The following TENT5D variants were observed in gnomAD, a reference collection of about 807,000 sequenced individuals.
TENT5D encodes the protein terminal nucleotidyltransferase 5D.
For synonymous variants in TENT5D, 103 were observed against 100.6 expected, an observed-to-expected ratio of 1.02 and a Z score of -0.15; for missense variants, 191 against 287.0, an observed-to-expected ratio of 0.67 and a Z score of 2.42.
chrX:80,382,804 C>T (rs1021557203), intron 3 of TENT5D, among the ~76,000 whole-genome samples: 2 of 111,846 alleles, frequency 1.8e-5, no homozygotes, highest in Non-Finnish European at 3.8e-5. Flanking sequence ...CTGAGCCATG[C>T]ACAGGATATA....
Position 80,400,223 on chromosome X carries a change from C to A in TENT5D, c.-141-38387C>A, listed in dbSNP as rs535026436. 5.4e-5 allele frequency among the ~76,000 whole-genome samples: 6 copies of A among 111,788 alleles called. No homozygotes were observed. The South Asian group carries it at 2.3e-3, about 42-fold the overall frequency. ...GCTAGAGTTCTGATGTCCAAGGCAG[C>A]AGATGAAAAGTCTCGGCTATCAAAG... On this transcript the variant is annotated intron_variant, in intron 3 of 4. Transcript: ENST00000538312.
chrX:80,386,960 C>T (rs1931027302), intron 3 of TENT5D, among the ~76,000 whole-genome samples: 1 of 112,040 alleles, frequency 8.9e-6, no homozygotes, highest in Middle Eastern at 4.2e-3. Flanking sequence ...CATTTGTAGT[C>T]CTCTAGAGAT....
intron 3 of TENT5D, among the ~76,000 whole-genome samples, chrX:80,399,835 A>T (rs771632987): frequency 2.1e-4 from 23 of 111,997 alleles, no homozygotes; most frequent in African/African-American, 7.5e-4. Context: ...TGGGGAAACA[A>T]TTTCACAGAT....
chrX:80,395,247 GT>G (rs1931219002), intron 3 of TENT5D, among the ~76,000 whole-genome samples: 1 of 111,819 alleles, frequency 8.9e-6, no homozygotes, highest in African/African-American at 3.3e-5. Flanking sequence ...TATGCTACAT[GT>G]TTTTTATTCC....
chrX:80,402,360 A>G (rs751469325), intron 3 of TENT5D, among the ~76,000 whole-genome samples: 1 of 111,574 alleles, frequency 9.0e-6, no homozygotes, highest in African/African-American at 3.2e-5. Context: ...ACTCAGTTTT[A>G]TAGATTTCTT....
intron 3 of TENT5D, among the ~76,000 whole-genome samples, chrX:80,392,319 C>A (rs1931144366): frequency 1.8e-5 from 2 of 109,064 alleles, no homozygotes; most frequent in East Asian, 5.8e-4. Flanking sequence ...TAATAATAAT[C>A]TCTTAAAGAA....
chrX:80,397,356 A>G (rs1260691873), intron 3 of TENT5D, among the ~76,000 whole-genome samples: 2 of 105,468 alleles, frequency 1.9e-5, no homozygotes, highest in Non-Finnish European at 3.9e-5. Flanking sequence ...GATGCTCCTC[A>G]CTTCCTAGAT....
chrX:80,398,669 C>T (rs1384205982), intron 3 of TENT5D, among the ~76,000 whole-genome samples: 1 of 110,544 alleles, frequency 9.0e-6, no homozygotes, highest in Non-Finnish European at 1.9e-5. Flanking sequence ...AGAGAGTGTC[C>T]TTTCACCAAT....
intron 3 of TENT5D, among the ~76,000 whole-genome samples, chrX:80,378,429 G>A (rs887485801): frequency 1.9e-4 from 21 of 111,562 alleles, no homozygotes; most frequent in Admixed American, 9.5e-5. Context: ...GGTAAGGAAG[G>A]GATACAGTTT....
chrX:80,402,129 G>C (rs1931400291), intron 3 of TENT5D, among the ~76,000 whole-genome samples: 1 of 110,805 alleles, frequency 9.0e-6, no homozygotes, highest in African/African-American at 3.3e-5. Flanking sequence ...ATCTTGGTAG[G>C]GGTTGTATGT....
intron 2 of TENT5D, among the ~76,000 whole-genome samples, chrX:80,339,882 G>GAA: frequency 9.2e-6 from 1 of 108,599 alleles, no homozygotes; most frequent in African/African-American, 3.3e-5. Context: ...TAGAGAGAGA[G>GAA]AGAGAGAGAG....
At chrX:80,424,184 C>CATGTTT (rs776434281) in intron 1 of TENT5D, among the ~76,000 whole-genome samples, 105 of 110,899 alleles carry the variant, frequency 9.5e-4, no homozygotes, top group African/African-American at 3.3e-3. Context: ...GGAAGAAAGG[C>CATGTTT]ATGTTTATGC....
At chrX:80,385,338 A>T (rs1308464623) in intron 3 of TENT5D, among the ~76,000 whole-genome samples, 1 of 111,013 alleles carries the variant, frequency 9.0e-6, no homozygotes, top group Non-Finnish European at 1.9e-5. Context: ...TCCCCATTTA[A>T]TAAATGGTGC....
At chrX:80,434,113 G>A (rs763734608) in intron 1 of TENT5D, among the ~76,000 whole-genome samples, 28 of 104,684 alleles carry the variant, frequency 2.7e-4, no homozygotes, top group African/African-American at 9.4e-4. Flanking sequence ...CTCCAGCCTG[G>A]GTGACAGAGT....
intron 3 of TENT5D, among the ~76,000 whole-genome samples, chrX:80,397,843 C>T (rs1005993521): frequency 8.9e-6 from 1 of 111,875 alleles, no homozygotes; most frequent in Non-Finnish European, 1.9e-5. Flanking sequence ...GCAGGAGAAT[C>T]AGGCAGGGAG....
In TENT5D at chrX:80,380,272, A is replaced by T. The variant is rs148443562; in HGVS notation, c.-142+37708A>T. Among the ~76,000 whole-genome samples the T allele has an allele frequency of 1.5e-4, 17 of 110,174 alleles. No homozygotes were observed. The East Asian group carries it at 4.1e-3, about 26-fold the overall frequency. On this transcript the variant is annotated intron_variant, in intron 3 of 4. Transcript: ENST00000538312. ...GTTTCCATATAGCTGTGTGGTTTTG[A>T]GTGAGTTTCTTAATCCTGAGTTCTA...
At chrX:80,433,216 T>G (rs1932120708) in intron 1 of TENT5D, among the ~76,000 whole-genome samples, 2 of 112,277 alleles carry the variant, frequency 1.8e-5, no homozygotes, top group African/African-American at 6.5e-5. Flanking sequence ...GTTCCCTTAT[T>G]AAAGTGGCTG....
chrX:80,352,760 C>T (rs1337461735), intron 3 of TENT5D, among the ~76,000 whole-genome samples: 1 of 105,102 alleles, frequency 9.5e-6, no homozygotes, highest in Non-Finnish European at 1.9e-5. Context: ...CTGCAGCTAG[C>T]TTAGTGTCTG....
At chrX:80,403,104 AT>A (rs1273215789) in intron 3 of TENT5D, among the ~76,000 whole-genome samples, 1 of 112,171 alleles carries the variant, frequency 8.9e-6, no homozygotes, top group Non-Finnish European at 1.9e-5. Flanking sequence ...GGTTCTTCAA[AT>A]GTTGATGCTG....
Sources: gnomAD v4.1 joint callset for allele counts (sites outside exome capture counted in the v4.1 genomes callset) on GRCh38, gnomAD v4.1.1 for gene constraint, MANE v1.5 for transcripts, NCBI Gene and HGNC (gene_info 2026-07-23, HGNC 2026-07-21) for gene names.